Variants in PRKCB observed in about 807,000 individuals in gnomAD.
PRKCB encodes protein kinase C beta.
In PRKCB, 13 loss-of-function variants were observed where a neutral mutation model predicts 81.5. The ratio of observed to expected loss-of-function variants is 0.16; its 90% CI spans 0.10 to 0.25. PRKCB has a LOEUF of 0.25. Ranked by LOEUF, PRKCB falls within the 10% of genes least tolerant of loss-of-function variation. PRKCB has a pLI of 1.00. For missense variants in PRKCB, 509 were observed against 875.7 expected (o/e 0.58, Z 5.29); for synonymous variants, 335 against 321.4 (o/e 1.04, Z -0.45).
intron 15 of PRKCB, among the ~76,000 whole-genome samples, chr16:24,187,304 A>G (rs755109765): frequency 6.6e-5 from 10 of 152,204 alleles, no homozygotes; most frequent in East Asian, 1.9e-4. Context: ...CATTTGGCCA[A>G]TTCTCTCCAA....
intron 2 of PRKCB, among the ~76,000 whole-genome samples, chr16:23,967,426 G>A (rs967170470): frequency 2.6e-4 from 39 of 152,150 alleles, no homozygotes; most frequent in African/African-American, 8.4e-4. Flanking sequence ...CACCTTTGAA[G>A]CCAGAAAATT....
intron 16 of PRKCB, chr16:24,191,533 C>G: frequency 4.0e-6 from 1 of 251,534 alleles, no homozygotes; most frequent in Non-Finnish European, 7.5e-6. Flanking sequence ...GAGCAGAGTT[C>G]AGATCCATTT....
chr16:23,964,064 G>A (rs1197581727), intron 2 of PRKCB, among the ~76,000 whole-genome samples: 4 of 152,082 alleles, frequency 2.6e-5, no homozygotes, highest in Admixed American at 1.3e-4. Flanking sequence ...ATAACCCCAC[G>A]GTCCAATAGG....
chr16:23,902,724 C>CCCTTCCTCCCTCCCTCCCTCCCTT (rs1963493352), intron 2 of PRKCB, among the ~76,000 whole-genome samples: 1 of 13,340 alleles, frequency 7.5e-5, no homozygotes, highest in African/African-American at 3.6e-4. Flanking sequence ...TTCCCTCCCT[C>CCCTTCCTCCCTCCCTCCCTCCCTT]CCTTCCTCCC....
intron 2 of PRKCB, among the ~76,000 whole-genome samples, chr16:23,855,141 G>A (rs996454909): frequency 1.3e-5 from 2 of 152,106 alleles, no homozygotes; most frequent in African/African-American, 4.8e-5. Context: ...AGAATAAAGA[G>A]AGCCGGCGGG....
chr16:23,937,152 C>A (rs1419379004), intron 2 of PRKCB, among the ~76,000 whole-genome samples: 2 of 152,122 alleles, frequency 1.3e-5, no homozygotes, highest in Non-Finnish European at 2.9e-5. Flanking sequence ...TCTTGAATGA[C>A]CTGCAGGCAC....
chr16:23,979,155 A>G (rs942335309), intron 2 of PRKCB, among the ~76,000 whole-genome samples: 2 of 152,216 alleles, frequency 1.3e-5, no homozygotes, highest in African/African-American at 4.8e-5. Context: ...CTATGAGGAA[A>G]GTACTATCAT....
At position 24,218,824 on chromosome 16, in the gene PRKCB, T is replaced by C. The variant is rs1439138756; in HGVS notation, c.*4008T>C. Reference sequence around the variant, plus strand: ...GGCACTAGGGAATACAAGGCCTTCTTCCCTGGTTGTCTTGTAATAAAACAG... The same window carrying C: ...GGCACTAGGGAATACAAGGCCTTCTCCCCTGGTTGTCTTGTAATAAAACAG... On this transcript the variant is annotated 3_prime_UTR_variant, in exon 17 of 17. Transcript: ENST00000643927. 2 of 985,308 alleles carry C rather than the reference T, an allele frequency of 2.0e-6. No homozygotes were observed. 61.0% of individuals were successfully genotyped at this position (985,308 alleles called of 1,614,324 possible). A position where few individuals can be genotyped will look rare whatever the true frequency, so the allele number is the denominator to read the frequency against.
intron 16 of PRKCB, among the ~76,000 whole-genome samples, chr16:24,196,340 G>A (rs1321418836): frequency 6.6e-6 from 1 of 152,194 alleles, no homozygotes; most frequent in Non-Finnish European, 1.5e-5. Flanking sequence ...GTACAGCAGG[G>A]TATCGCAAAT....
intron 16 of PRKCB, 88 bp from the exon 17 acceptor site, chr16:24,214,570 C>A: frequency 9.4e-7 from 1 of 1,067,256 alleles, no homozygotes; most frequent in Non-Finnish European, 1.4e-6. Flanking sequence ...GAAAAGCACA[C>A]CCAATTATGC....
intron 16 of PRKCB, among the ~76,000 whole-genome samples, chr16:24,204,385 T>C (rs1968010772): frequency 6.6e-6 from 1 of 152,138 alleles, no homozygotes; most frequent in Admixed American, 6.5e-5. Flanking sequence ...GGGCTCTGGA[T>C]CTTGGCTCTC....
At chr16:24,150,501 G>C (rs1967062438) in intron 9 of PRKCB, among the ~76,000 whole-genome samples, 1 of 152,204 alleles carries the variant, frequency 6.6e-6, no homozygotes, top group African/African-American at 2.4e-5. Context: ...GATCCAATCA[G>C]CTGTGACCAG....
chr16:23,855,522 T>G (rs1962550050), intron 2 of PRKCB, among the ~76,000 whole-genome samples: 1 of 152,182 alleles, frequency 6.6e-6, no homozygotes, highest in South Asian at 2.1e-4. Flanking sequence ...AAATATAAGT[T>G]CTTAAATGTG....
intron 2 of PRKCB, among the ~76,000 whole-genome samples, chr16:23,905,062 A>ATTTTT (rs1963538786): frequency 8.9e-6 from 1 of 112,746 alleles, no homozygotes; most frequent in African/African-American, 3.9e-5. Context: ...TTTTTAATAA[A>ATTTTT]AAAAAAATAG....
intron 16 of PRKCB, among the ~76,000 whole-genome samples, chr16:24,211,356 A>G (rs933383065): frequency 1.3e-5 from 2 of 152,208 alleles, no homozygotes; most frequent in African/African-American, 4.8e-5. Context: ...TAATACTTGG[A>G]GCCATGATGC....
Position 24,031,082 on chromosome 16 carries a change from C to CA in PRKCB, c.289-1048dup, listed in dbSNP as rs759586438. Among the ~76,000 whole-genome samples the CA allele has an allele frequency of 5.1e-3, 782 of 152,104 alleles. 2 individuals carry two copies. Among genetic ancestry groups the CA allele is most frequent in the Non-Finnish European group, 8.2e-3 (558 of 67,986 alleles). ...ATGTCTCTTAAAAAACAAAAGAAAA[C>CA]AAAAAACCATCAAACAACTTGCACA... On this transcript the variant is annotated intron_variant, in intron 3 of 16. Coordinates refer to ENST00000643927, the MANE Select transcript of PRKCB (RefSeq NM_002738.7).
At chr16:23,941,446 A>G (rs1032054620) in intron 2 of PRKCB, among the ~76,000 whole-genome samples, 5 of 152,224 alleles carry the variant, frequency 3.3e-5, no homozygotes, top group Admixed American at 1.3e-4. Context: ...TCTAACAAAG[A>G]TAAGGCAAAA....
chr16:24,019,030 A>AT (rs979730779), intron 3 of PRKCB, among the ~76,000 whole-genome samples: 2 of 152,074 alleles, frequency 1.3e-5, no homozygotes, highest in Non-Finnish European at 1.5e-5. Flanking sequence ...AAGAGGTGAG[A>AT]TTTTTGTAAT....
chr16:24,004,455 A>G (rs1465996907), intron 3 of PRKCB, among the ~76,000 whole-genome samples: 1 of 150,636 alleles, frequency 6.6e-6, no homozygotes, highest in East Asian at 1.9e-4. Context: ...CAGCCTGGGC[A>G]ACATGGCGAA....
Sources: gnomAD v4.1 joint callset for allele counts (sites outside exome capture counted in the v4.1 genomes callset) on GRCh38, gnomAD v4.1.1 for gene constraint, MANE v1.5 for transcripts, NCBI Gene and HGNC (gene_info 2026-07-23, HGNC 2026-07-21) for gene names.